The following COL10A1 variants were observed in gnomAD, a reference collection of about 807,000 sequenced individuals.
COL10A1 encodes the protein collagen alpha-1(X) chain.
In COL10A1, 10 loss-of-function variants were observed where a neutral mutation model predicts 18.2. The observed-to-expected ratio is 0.55, with a 90% CI of 0.34 to 0.93. The LOEUF is 0.93. COL10A1 is among the 40% of genes least tolerant of loss of function. COL10A1 has a pLI of 0.02. For missense variants in COL10A1, 897 were observed against 853.5 expected (o/e 1.05, Z -0.64); for synonymous variants, 330 against 316.6 (o/e 1.04, Z -0.45).
chr6:116,188,731 A>G, the COL10A1 span, among the ~76,000 whole-genome samples: 1 of 151,472 alleles, frequency 6.6e-6, no homozygotes, highest in South Asian at 2.1e-4. Context: ...CCTGATTAGC[A>G]ATTACATGAA....
chr6:116,190,262 A>G, the COL10A1 span, among the ~76,000 whole-genome samples: 3 of 152,012 alleles, frequency 2.0e-5, no homozygotes, highest in South Asian at 4.1e-4. Flanking sequence ...TAAATTATCT[A>G]TGTATTTTTT....
At chr6:116,159,091 C>A (rs1268266290), upstream of COL10A1, among the ~76,000 whole-genome samples, 1 of 152,154 alleles carries the variant, frequency 6.6e-6, no homozygotes, top group Non-Finnish European at 1.5e-5. Flanking sequence ...TGTCTACTTA[C>A]TAACTAGCAA....
the COL10A1 span, among the ~76,000 whole-genome samples, chr6:116,164,235 G>A: frequency 6.6e-6 from 1 of 151,990 alleles, no homozygotes; most frequent in Non-Finnish European, 1.5e-5. Context: ...ATTTTCTTAG[G>A]TGTAGTAGTA....
chr6:116,164,656 T>G, the COL10A1 span, among the ~76,000 whole-genome samples: 1 of 152,222 alleles, frequency 6.6e-6, no homozygotes, highest in Admixed American at 6.5e-5. Context: ...ATGTAATTAT[T>G]TTATAGGATG....
intron 2 of COL10A1, among the ~76,000 whole-genome samples, chr6:116,122,972 T>C (rs1312307146): frequency 6.6e-6 from 1 of 152,212 alleles, no homozygotes; most frequent in Non-Finnish European, 1.5e-5. Context: ...AATATTTCAT[T>C]GATTGTAGTG....
the COL10A1 span, among the ~76,000 whole-genome samples, chr6:116,175,052 T>C: frequency 2.6e-5 from 4 of 152,212 alleles, no homozygotes; most frequent in Admixed American, 2.6e-4. Flanking sequence ...GTTTTAAAAA[T>C]TAAGGAATTA....
At chr6:116,161,320 A>G (rs573543271), upstream of COL10A1, among the ~76,000 whole-genome samples, 5 of 152,156 alleles carry the variant, frequency 3.3e-5, no homozygotes, top group South Asian at 1.0e-3. Flanking sequence ...GTGCACATGT[A>G]CCCTAAAACT....
upstream of COL10A1, among the ~76,000 whole-genome samples, chr6:116,161,750 C>G (rs1780336931): frequency 6.6e-6 from 1 of 152,076 alleles, no homozygotes; most frequent in South Asian, 2.1e-4. Context: ...ATTGTTTTTT[C>G]TAATTCTGTG....
the COL10A1 span, among the ~76,000 whole-genome samples, chr6:116,198,813 T>A: frequency 6.6e-6 from 1 of 152,016 alleles, no homozygotes; most frequent in African/African-American, 2.4e-5. Flanking sequence ...TGGGGACTTT[T>A]TCTTCTGATA....
chr6:116,139,273 G>A (rs537117978), intron 1 of COL10A1, among the ~76,000 whole-genome samples: 4 of 151,924 alleles, frequency 2.6e-5, no homozygotes, highest in Non-Finnish European at 5.9e-5. Context: ...ACAATTTGTG[G>A]GTAATTAACT....
the COL10A1 span, among the ~76,000 whole-genome samples, chr6:116,183,289 G>T: frequency 5.9e-5 from 9 of 152,030 alleles, no homozygotes; most frequent in African/African-American, 9.7e-5. Flanking sequence ...TTATAGTATA[G>T]TTCAAAGTTG....
chr6:116,129,623 G>A (rs1233755497), upstream of COL10A1, among the ~76,000 whole-genome samples: 4 of 152,104 alleles, frequency 2.6e-5, no homozygotes, highest in Admixed American at 1.3e-4. Flanking sequence ...TCCAGATACC[G>A]GTGCCATCCT....
chr6:116,137,140 T>G (rs1456191183), intron 1 of COL10A1: 1 of 204,528 alleles, frequency 4.9e-6, no homozygotes, highest in Non-Finnish European at 1.1e-5. Context: ...TCTCCTTTTC[T>G]GCAGTCTTGC....
the COL10A1 span, among the ~76,000 whole-genome samples, chr6:116,171,050 C>T: frequency 6.6e-6 from 1 of 152,132 alleles, no homozygotes; most frequent in Admixed American, 6.5e-5. Flanking sequence ...ACACATCTCT[C>T]TGTTTTTACT....
chr6:116,166,725 A>C, the COL10A1 span, among the ~76,000 whole-genome samples: 5 of 152,250 alleles, frequency 3.3e-5, no homozygotes, highest in Admixed American at 3.3e-4. Context: ...AGAAATTTCT[A>C]CTAAAGTTTC....
chr6:116,206,945 T>C, the COL10A1 span, among the ~76,000 whole-genome samples: 1 of 152,010 alleles, frequency 6.6e-6, no homozygotes, highest in Non-Finnish European at 1.5e-5. Flanking sequence ...TGTTTTCTTC[T>C]TGTTTATTGA....
At chr6:116,188,779 T>C in the COL10A1 span, among the ~76,000 whole-genome samples, 1 of 151,938 alleles carries the variant, frequency 6.6e-6, no homozygotes, top group Non-Finnish European at 1.5e-5. Flanking sequence ...GATTTATGTT[T>C]TTTGTCTTTT....
the COL10A1 span, among the ~76,000 whole-genome samples, chr6:116,207,238 A>G: frequency 6.6e-6 from 1 of 151,988 alleles, no homozygotes; most frequent in Non-Finnish European, 1.5e-5. Context: ...TAAATGGATC[A>G]TATGTCTTAA....
the COL10A1 span, among the ~76,000 whole-genome samples, chr6:116,180,985 T>C: frequency 6.6e-6 from 1 of 152,110 alleles, no homozygotes; most frequent in African/African-American, 2.4e-5. Flanking sequence ...TCAGGTGTCA[T>C]GTAGCTTAAT....
Sources: gnomAD v4.1 joint callset for allele counts (sites outside exome capture counted in the v4.1 genomes callset) on GRCh38, gnomAD v4.1.1 for gene constraint, MANE v1.5 for transcripts, NCBI Gene and HGNC (gene_info 2026-07-23, HGNC 2026-07-21) for gene names.